Variants in RGS20 observed in about 807,000 individuals in gnomAD.
The protein encoded by RGS20 is regulator of G protein signaling 20.
RGS20 carries 30 observed loss-of-function variants against 33.6 expected under a neutral mutation model. The observed-to-expected ratio is 0.89, with a 90% CI of 0.67 to 1.21. The LOEUF (loss-of-function observed/expected upper bound fraction) is 1.21, where lower values mean the gene tolerates loss of function less well. Ranked by LOEUF, RGS20 falls within the 50% of genes most tolerant of loss-of-function variation. The pLI is 0.00. For synonymous variants in RGS20, 208 were observed against 197.9 expected (o/e 1.05, Z -0.43); for missense variants, 472 against 502.4 (o/e 0.94, Z 0.58).
intron 2 of RGS20, among the ~76,000 whole-genome samples, chr8:53,890,077 C>T (rs189634056): frequency 8.5e-5 from 13 of 152,238 alleles, no homozygotes; most frequent in Non-Finnish European, 1.8e-4. Flanking sequence ...TTCTCTCCTG[C>T]TTCTGGGACC....
At chr8:53,908,731 G>A (rs529025885) in intron 2 of RGS20, among the ~76,000 whole-genome samples, 38 of 152,138 alleles carry the variant, frequency 2.5e-4, no homozygotes, top group Admixed American at 5.2e-4. Context: ...TGAGGCCCAG[G>A]AGGCGGAGGT....
chr8:53,868,998 C>T (rs989319271), intron 1 of RGS20, among the ~76,000 whole-genome samples: 8 of 152,124 alleles, frequency 5.3e-5, no homozygotes, highest in African/African-American at 1.9e-4. Context: ...GGTGATCTGC[C>T]CACCTCAGCC....
At chr8:53,947,486 A>G (rs187333210) in intron 4 of RGS20, among the ~76,000 whole-genome samples, 40 of 138,506 alleles carry the variant, frequency 2.9e-4, no homozygotes, top group African/African-American at 1.0e-3. Flanking sequence ...ATACATTTAT[A>G]TATGCTATAT....
At chr8:53,920,540 T>C (rs552046118) in intron 2 of RGS20, among the ~76,000 whole-genome samples, 2 of 152,314 alleles carry the variant, frequency 1.3e-5, no homozygotes, top group Non-Finnish European at 2.9e-5. Flanking sequence ...TTTCTTGCCT[T>C]ACTGCCGAGG....
At chr8:53,920,132 C>A (rs186483802) in intron 2 of RGS20, among the ~76,000 whole-genome samples, 2 of 152,278 alleles carry the variant, frequency 1.3e-5, no homozygotes, top group Admixed American at 6.5e-5. Context: ...ACCTCAGCCT[C>A]CCAAAGTGCT....
chr8:53,921,695 T>G (rs559702331), intron 2 of RGS20, among the ~76,000 whole-genome samples: 2 of 152,238 alleles, frequency 1.3e-5, no homozygotes, highest in African/African-American at 4.8e-5. Context: ...AGTAGTAATT[T>G]CCCATCTTTC....
In RGS20 at chr8:53,854,331, T is replaced by A. The variant is rs181582773; in HGVS notation, c.165+2267T>A. ...TGGCAGGAAAATACTTTCACCCCCA[T>A]GTCTGCCAAACACCTTGAACCTAGA... On this transcript the variant is annotated intron_variant, in intron 1 of 5. Transcript: ENST00000297313. Among the ~76,000 whole-genome samples the A allele has an allele frequency of 1.4e-4, 22 of 152,174 alleles. No individual in the cohort carries two copies. In the East Asian group the frequency reaches 4.1e-3, roughly 28 times the overall value.
intron 2 of RGS20, among the ~76,000 whole-genome samples, chr8:53,911,187 G>A (rs1813337349): frequency 6.6e-6 from 1 of 152,188 alleles, no homozygotes; most frequent in African/African-American, 2.4e-5. Flanking sequence ...TTAAAAACCA[G>A]CAGTGACTGA....
Position 53,879,479 on chromosome 8 carries a change from C to G in RGS20, c.387C>G (p.Leu129=). 1 of 1,577,716 alleles carries G rather than the reference C, an allele frequency of 6.3e-7. No individual in the cohort carries two copies. The highest frequency in any genetic ancestry group is 8.6e-7 in the Non-Finnish European group (1 of 1,164,894). Residue 129 remains leucine (L), a synonymous_variant, in exon 2 of 6, where the codon CTC becomes CTG. Transcript: ENST00000297313. ...AGGAGCTGCCGGGCCGCCTCTCGCT[C>G]CTGCTCGGGGCGGCGCTGGCACTGC...
intron 2 of RGS20, among the ~76,000 whole-genome samples, chr8:53,917,315 T>A (rs924158139): frequency 1.1e-4 from 17 of 151,952 alleles, no homozygotes; most frequent in Non-Finnish European, 1.5e-5. Flanking sequence ...ACCTGGCTAA[T>A]TTTTTGTATT....
intron 1 of RGS20, among the ~76,000 whole-genome samples, chr8:53,852,467 G>GA (rs762405294): frequency 6.6e-6 from 1 of 152,114 alleles, no homozygotes; most frequent in Non-Finnish European, 1.5e-5. Context: ...AATTCCTTGG[G>GA]AAAAAATTGA....
At chr8:53,911,823 C>A (rs1813355055) in intron 2 of RGS20, among the ~76,000 whole-genome samples, 1 of 152,128 alleles carries the variant, frequency 6.6e-6, no homozygotes, top group Non-Finnish European at 1.5e-5. Context: ...TGCCGGTAAT[C>A]CCAGCTACTC....
chr8:53,952,560 A>G lies in RGS20; in HGVS notation c.744-1516A>G, dbSNP rs865926623. ...GCCAACATGGTGAAACGCCATCTCT[A>G]CTAAAAATACAAAAAATTACCCGGG... On this transcript the variant is annotated intron_variant, in intron 4 of 5. Coordinates refer to ENST00000297313, the MANE Select transcript of RGS20 (RefSeq NM_170587.4). 4.6e-5 allele frequency among the ~76,000 whole-genome samples: 7 copies of G among 151,938 alleles called. 1 individual carries two copies. The South Asian group carries it at 1.3e-3, about 27-fold the overall frequency.
intron 3 of RGS20, among the ~76,000 whole-genome samples, chr8:53,941,624 A>G (rs892882974): frequency 6.6e-5 from 10 of 152,250 alleles, no homozygotes; most frequent in Non-Finnish European, 1.0e-4. Flanking sequence ...AATTATTAAA[A>G]GAAAATTTTC....
At chr8:53,925,303 A>G (rs1797113800) in intron 2 of RGS20, among the ~76,000 whole-genome samples, 1 of 152,096 alleles carries the variant, frequency 6.6e-6, no homozygotes, top group Non-Finnish European at 1.5e-5. Flanking sequence ...TGTAGTCTTT[A>G]GCTTCTCTGT....
At chr8:53,929,035 A>C (rs976133714) in intron 2 of RGS20, among the ~76,000 whole-genome samples, 5 of 152,192 alleles carry the variant, frequency 3.3e-5, no homozygotes, top group African/African-American at 1.2e-4. Flanking sequence ...CGCAAAGGAA[A>C]CCAGACCACA....
chr8:53,958,553 G>T lies in RGS20; in HGVS notation c.*95G>T. ...TTTAGAGGTTGTAGCATCTTCTGCT[G>T]GAGTAATACTCAGGCTATTCTAATA... On this transcript the variant is annotated 3_prime_UTR_variant, in exon 6 of 6. Coordinates refer to ENST00000297313, the MANE Select transcript of RGS20 (RefSeq NM_170587.4). 2 of 572,394 alleles carry T rather than the reference G, an allele frequency of 3.5e-6. No individual in the cohort carries two copies. Among genetic ancestry groups the T allele is most frequent in the Non-Finnish European group, 5.3e-6 (2 of 374,938 alleles). The allele number at this position is 572,394 out of a possible 1,614,324, so 35.5% of individuals were successfully genotyped here. A position where few individuals can be genotyped will look rare whatever the true frequency, so the allele number is the denominator to read the frequency against.
intron 2 of RGS20, among the ~76,000 whole-genome samples, chr8:53,938,672 T>TA (rs1814202824): frequency 6.6e-6 from 1 of 152,180 alleles, no homozygotes; most frequent in Non-Finnish European, 1.5e-5. Context: ...TCTAAAGTCT[T>TA]ATTTATGGTT....
rs755267615 is a variant in RGS20 at position 53,877,461 on chromosome 8, C to A, written c.166-1797C>A. The stretch of plus-strand genomic sequence containing the variant: ...GCTGAGCCTCCACCCCAAGCCCCAG[C>A]CGGAGGGGCGCGTCCCCTGTCCTCC... On this transcript the variant is annotated intron_variant, in intron 1 of 5. Transcript: ENST00000297313. This position sits in a 1 kb window ranked among gnomAD's most constrained non-coding sequence, Gnocchi z 5.7. 6.6e-6 allele frequency among the ~76,000 whole-genome samples: 1 copy of A among 152,218 alleles called. No individual in the cohort carries two copies. The highest frequency in any genetic ancestry group is 2.4e-5 in the African/African-American group (1 of 41,466).
Sources: gnomAD v4.1 joint callset for allele counts (sites outside exome capture counted in the v4.1 genomes callset) on GRCh38, gnomAD v4.1.1 for gene constraint, Gnocchi (gnomAD v3.1) non-coding constraint, MANE v1.5 for transcripts, NCBI Gene and HGNC (gene_info 2026-07-23, HGNC 2026-07-21) for gene names.